Variants in RBMS3 observed in about 807,000 individuals in gnomAD.
The protein encoded by RBMS3 is RNA binding motif single stranded interacting protein 3, also known as RNA-binding motif, single-stranded-interacting protein 3.
Under a neutral mutation model 66.8 loss-of-function variants are expected in RBMS3, and 27 were observed. The ratio of observed to expected loss-of-function variants is 0.40; its 90% CI spans 0.30 to 0.56. RBMS3 has a LOEUF of 0.56. Among genes scored for constraint, RBMS3 ranks in the 20% least tolerant of loss-of-function variants. The pLI is 0.40. For missense variants in RBMS3, 513 were observed against 549.5 expected, an observed-to-expected ratio of 0.93 and a Z score of 0.66; for synonymous variants, 188 against 183.0, an observed-to-expected ratio of 1.03 and a Z score of -0.22.
At chr3:29,412,160 T>G (rs956530469) in intron 1 of RBMS3, among the ~76,000 whole-genome samples, 1 of 152,212 alleles carries the variant, frequency 6.6e-6, no homozygotes, top group Admixed American at 6.5e-5. Flanking sequence ...ACATATATAG[T>G]GAGACCAAAA....
chr3:29,666,413 T>C lies in RBMS3; in HGVS notation c.400-73307T>C, dbSNP rs140981581. Among the ~76,000 whole-genome samples, 417 of 152,314 alleles carry C rather than the reference T, an allele frequency of 2.7e-3. 2 individuals carry two copies. The highest frequency in any genetic ancestry group is 6.9e-4 in the Non-Finnish European group (47 of 68,028). ...TGGCACCTAGGGAGGACCCACTATA[T>C]GTTTTGATATTTGCTTAATGAATGA... On this transcript the variant is annotated intron_variant, in intron 4 of 14. Coordinates refer to ENST00000383767, the MANE Select transcript of RBMS3 (RefSeq NM_001003793.3).
At chr3:29,971,811 C>A (rs1697245733) in intron 12 of RBMS3, among the ~76,000 whole-genome samples, 1 of 151,888 alleles carries the variant, frequency 6.6e-6, no homozygotes, top group African/African-American at 2.4e-5. Flanking sequence ...GGGACTGAAG[C>A]AAGGCAACAT....
intron 1 of RBMS3, among the ~76,000 whole-genome samples, chr3:29,305,735 G>A (rs894139146): frequency 6.6e-6 from 1 of 151,968 alleles, no homozygotes; most frequent in South Asian, 2.1e-4. Context: ...CTTGCCTATT[G>A]TTGATCCTTG....
intron 6 of RBMS3, among the ~76,000 whole-genome samples, chr3:29,838,055 T>C (rs955306576): frequency 6.7e-6 from 1 of 149,978 alleles, no homozygotes; most frequent in Non-Finnish European, 1.5e-5. Flanking sequence ...TGGGGAGGTG[T>C]GGTGGGTCAT....
At chr3:29,397,487 A>G (rs1363298028) in intron 1 of RBMS3, among the ~76,000 whole-genome samples, 5 of 152,078 alleles carry the variant, frequency 3.3e-5, no homozygotes, top group Non-Finnish European at 5.9e-5. Context: ...GGTTCTCCCA[A>G]CTTTTACCAT....
At chr3:29,863,974 C>T (rs1337772055) in intron 6 of RBMS3, among the ~76,000 whole-genome samples, 3 of 152,060 alleles carry the variant, frequency 2.0e-5, no homozygotes, top group South Asian at 2.1e-4. Context: ...TTGGGAAAGA[C>T]CTGCCTTTTT....
intron 4 of RBMS3, among the ~76,000 whole-genome samples, chr3:29,684,198 C>G (rs1422198029): frequency 6.6e-6 from 1 of 152,112 alleles, no homozygotes; most frequent in East Asian, 1.9e-4. Flanking sequence ...TGGTGTTGTA[C>G]TGGGAGGCCT....
At chr3:29,482,408 A>G (rs986499953) in intron 2 of RBMS3, among the ~76,000 whole-genome samples, 2 of 152,158 alleles carry the variant, frequency 1.3e-5, no homozygotes, top group African/African-American at 4.8e-5. Context: ...TTAAAGAACA[A>G]GGAAAGGCAC....
intron 14 of RBMS3, 96 bp from the exon 15 acceptor site, chr3:30,003,760 G>C: frequency 6.2e-6 from 5 of 809,324 alleles, no homozygotes; most frequent in Non-Finnish European, 8.9e-6. Context: ...TTGAAAGCTT[G>C]GTATCTTTTA....
intron 5 of RBMS3, among the ~76,000 whole-genome samples, chr3:29,752,463 A>G (rs542752526): frequency 6.6e-6 from 1 of 152,210 alleles, no homozygotes; most frequent in South Asian, 2.1e-4. Context: ...CCGGGGAACC[A>G]CCATCTTCTA....
At chr3:29,759,766 A>T (rs967100155) in intron 5 of RBMS3, among the ~76,000 whole-genome samples, 2 of 152,046 alleles carry the variant, frequency 1.3e-5, no homozygotes, top group African/African-American at 4.8e-5. Context: ...GCTTCCACGT[A>T]AAATGCATGA....
chr3:29,387,246 A>C, intron 1 of RBMS3, among the ~76,000 whole-genome samples: 1 of 152,154 alleles, frequency 6.6e-6, no homozygotes, highest in Middle Eastern at 3.4e-3. Context: ...TAAAAACTGC[A>C]TTTTCACTTT....
chr3:29,577,138 T>A (rs1266654495), intron 3 of RBMS3, among the ~76,000 whole-genome samples: 3 of 152,190 alleles, frequency 2.0e-5, no homozygotes, highest in Non-Finnish European at 4.4e-5. Context: ...CTTCCAGGAC[T>A]AGGTCCTTCC....
At chr3:29,298,959 G>A (rs1000187310) in intron 1 of RBMS3, among the ~76,000 whole-genome samples, 1 of 151,838 alleles carries the variant, frequency 6.6e-6, no homozygotes, top group Non-Finnish European at 1.5e-5. Context: ...GTTATAACAC[G>A]ATTCTTGCCC....
chr3:29,337,366 C>A (rs1311838281), intron 1 of RBMS3, among the ~76,000 whole-genome samples: 1 of 151,968 alleles, frequency 6.6e-6, no homozygotes, highest in African/African-American at 2.4e-5. Context: ...TGGCTGGATG[C>A]AGTGGCTCAA....
At chr3:29,564,188 T>G (rs1397118386) in intron 3 of RBMS3, among the ~76,000 whole-genome samples, 1 of 152,040 alleles carries the variant, frequency 6.6e-6, no homozygotes, top group Non-Finnish European at 1.5e-5. Context: ...ACAATAAATT[T>G]TTTTTAGGCC....
chr3:29,295,860 T>A (rs1452226642), intron 1 of RBMS3, among the ~76,000 whole-genome samples: 2 of 151,772 alleles, frequency 1.3e-5, no homozygotes, highest in South Asian at 4.1e-4. Flanking sequence ...ATCTTTCATC[T>A]TCTAATTAAG....
intron 4 of RBMS3, among the ~76,000 whole-genome samples, chr3:29,612,301 A>G (rs185327900): frequency 8.5e-5 from 13 of 152,198 alleles, no homozygotes; most frequent in African/African-American, 7.2e-5. Context: ...GCCTTTTGAC[A>G]TATATCTTGG....
Position 29,416,477 on chromosome 3 carries a change from A to G in RBMS3, c.76-18266A>G, listed in dbSNP as rs530294258. Reference sequence around the variant, plus strand: ...GGTTACATGGATTTGGAAAATTTGTAAAAGAAATGCATTTTAATCACAACT... The same window carrying G: ...GGTTACATGGATTTGGAAAATTTGTGAAAGAAATGCATTTTAATCACAACT... On this transcript the variant is annotated intron_variant, in intron 1 of 14. Transcript: ENST00000383767. 2.6e-5 allele frequency among the ~76,000 whole-genome samples: 4 copies of G among 152,326 alleles called. No individual in the cohort carries two copies. The South Asian group carries it at 8.3e-4, about 32-fold the overall frequency.
Sources: gnomAD v4.1 joint callset for allele counts (sites outside exome capture counted in the v4.1 genomes callset) on GRCh38, gnomAD v4.1.1 for gene constraint, MANE v1.5 for transcripts, NCBI Gene and HGNC (gene_info 2026-07-23, HGNC 2026-07-21) for gene names.